Variants in ACSM4 observed in about 807,000 individuals in gnomAD.
ACSM4 encodes acyl-coenzyme A synthetase ACSM4, mitochondrial.
ACSM4 carries 66 observed loss-of-function variants against 73.0 expected under a neutral mutation model. The ratio of observed to expected loss-of-function variants is 0.90; its 90% CI spans 0.74 to 1.11. ACSM4 has a LOEUF of 1.11. Ranked by LOEUF, ACSM4 falls within the 50% of genes least tolerant of loss-of-function variation. The probability of loss-of-function intolerance (pLI) is 0.00; values close to 1 mark genes in which losing one functional copy is unlikely to be tolerated. For synonymous variants in ACSM4, 222 were observed against 254.0 expected (o/e 0.87, Z 1.20); for missense variants, 645 against 714.4 (o/e 0.90, Z 1.11).
intron 9 of ACSM4, 27 bp downstream of exon 9, chr12:7,323,587 G>A (rs1253322042): frequency 1.9e-6 from 3 of 1,582,054 alleles, no homozygotes; most frequent in Non-Finnish European, 2.6e-6. Flanking sequence ...TGCTGGTCAT[G>A]CTTAATACAG....
In ACSM4 at chr12:7,327,082, A is replaced by G; in HGVS notation, c.1643A>G (p.Lys548Arg). 2 of 1,605,476 alleles carry G rather than the reference A, an allele frequency of 1.2e-6. No homozygotes were observed. Among genetic ancestry groups the G allele is most frequent in the Non-Finnish European group, 1.7e-6 (2 of 1,176,108 alleles). The part of the protein sequence containing the change: ...DHVKKSTAPY[K>R]YPRKVEFVQE... The stretch of plus-strand genomic sequence containing the variant: ...GTGAAAAAATCAACTGCACCTTACA[A>G]ATATCCAAGAAAGGCAAGTGCTTTG... Residue 548 changes from lysine to arginine, a missense_variant, in exon 12 of 13, where the codon AAA becomes AGA. By Grantham distance (26) the Lys-to-Arg change is conservative. Coordinates refer to ENST00000399422, the MANE Select transcript of ACSM4 (RefSeq NM_001080454.2).
chr12:7,328,136 C>T (rs756710906), intron 12 of ACSM4, 151 bp from the exon 13 acceptor site: 5 of 530,058 alleles, frequency 9.4e-6, no homozygotes, highest in South Asian at 4.3e-5. Context: ...CATAAACAGA[C>T]GTTTCTGGTG....
At chr12:7,324,155 CAAA>C in intron 9 of ACSM4, 115 bp from the exon 10 acceptor site, 3 of 1,002,098 alleles carry the variant, frequency 3.0e-6, no homozygotes, top group East Asian at 3.3e-5. Context: ...GACTCTGTCT[CAAA>C]AAAAAAAAAA....
intron 4 of ACSM4, among the ~76,000 whole-genome samples, chr12:7,317,817 A>G (rs1414166753): frequency 1.3e-5 from 2 of 152,098 alleles, no homozygotes; most frequent in South Asian, 2.1e-4. Context: ...TGCCACACCC[A>G]GCCTCCCACT....
intron 12 of ACSM4, among the ~76,000 whole-genome samples, chr12:7,327,582 C>T (rs11051200): frequency 0.061 from 9,304 of 152,242 alleles, 384 homozygotes; most frequent in East Asian, 0.16. Context: ...AACAATACTA[C>T]GTAAATACAT....
At chr12:7,311,098 A>C (rs936492763) in intron 3 of ACSM4, among the ~76,000 whole-genome samples, 2 of 152,060 alleles carry the variant, frequency 1.3e-5, no homozygotes, top group African/African-American at 2.4e-5. Context: ...CTTGGGAGGC[A>C]GAAGTTGCAG....
At chr12:7,323,413 T>A in intron 8 of ACSM4, 46 bp from the exon 9 acceptor site, 1 of 1,605,666 alleles carries the variant, frequency 6.2e-7, no homozygotes, top group Non-Finnish European at 8.5e-7. Context: ...CTTTCATTTT[T>A]GTGAAAAGAA....
At chr12:7,318,932 G>A (rs984364491) in intron 5 of ACSM4, among the ~76,000 whole-genome samples, 2 of 152,308 alleles carry the variant, frequency 1.3e-5, no homozygotes, top group Admixed American at 6.5e-5. Flanking sequence ...CCAGGGACTG[G>A]ATTCGTGGAA....
chr12:7,317,879 T>C (rs1946433061), intron 4 of ACSM4, 147 bp from the exon 5 acceptor site: 1 of 849,436 alleles, frequency 1.2e-6, no homozygotes, highest in Admixed American at 3.0e-5. Flanking sequence ...AGAGTAGAAG[T>C]TGAATCTATC....
chr12:7,304,980 G>T (rs937821765), intron 1 of ACSM4, among the ~76,000 whole-genome samples: 1 of 152,154 alleles, frequency 6.6e-6, no homozygotes, highest in South Asian at 2.1e-4. Context: ...TCAGGATGAG[G>T]TCTCTGTGTA....
intron 12 of ACSM4, among the ~76,000 whole-genome samples, chr12:7,327,690 T>C (rs1385163713): frequency 1.3e-5 from 2 of 152,184 alleles, no homozygotes; most frequent in Admixed American, 1.3e-4. Flanking sequence ...AGTCAAAAAG[T>C]AGTTAAACCT....
intron 3 of ACSM4, among the ~76,000 whole-genome samples, chr12:7,312,157 C>T (rs1366649870): frequency 6.6e-6 from 1 of 152,206 alleles, no homozygotes; most frequent in Non-Finnish European, 1.5e-5. Flanking sequence ...CAACCCCTGC[C>T]CTAAACCATA....
At chr12:7,306,471 C>T (rs937475146) in intron 1 of ACSM4, 62 bp from the exon 2 acceptor site, 2 of 1,464,804 alleles carry the variant, frequency 1.4e-6, no homozygotes, top group African/African-American at 1.4e-5. Flanking sequence ...CAGCAGATGC[C>T]GCATGTAAGA....
intron 2 of ACSM4, 61 bp downstream of exon 2, chr12:7,306,804 T>C: frequency 6.7e-7 from 1 of 1,493,400 alleles, no homozygotes; most frequent in Admixed American, 2.0e-5. Flanking sequence ...ACTCAATGGT[T>C]TTCTGAATTG....
intron 12 of ACSM4, 103 bp from the exon 13 acceptor site, chr12:7,328,184 G>A (rs1253070465): frequency 8.5e-6 from 7 of 825,678 alleles, no homozygotes; most frequent in Admixed American, 5.3e-5. Flanking sequence ...AGATAATCTC[G>A]ACTTTAAAAT....
intron 3 of ACSM4, among the ~76,000 whole-genome samples, chr12:7,316,113 G>A (rs1946419117): frequency 6.6e-6 from 1 of 152,134 alleles, no homozygotes; most frequent in South Asian, 2.1e-4. Flanking sequence ...TGGCATACAA[G>A]GATGATTTGT....
rs1334824679 is a variant in ACSM4, at chr12:7,306,708, A to C, written c.377A>C (p.Glu126Ala). ...RLAVILPRIPEWWLVNVACIR... is the reference protein window; with the variant it reads ...RLAVILPRIPAWWLVNVACIR... ...GCCGTGATTCTGCCCAGAATCCCTGAGTGGTGGCTGGTCAATGTAGCTTGC... is the reference window on the plus strand; with the variant it reads ...GCCGTGATTCTGCCCAGAATCCCTGCGTGGTGGCTGGTCAATGTAGCTTGC... The change falls in exon 2 of 13, where the codon GAG becomes GCG. Residue 126 changes from glutamate (E) to alanine (A), a missense_variant. Physicochemically the swap from Glu to Ala is moderately radical, Grantham distance 107 (BLOSUM62 -1). Coordinates refer to ENST00000399422, the MANE Select transcript of ACSM4 (RefSeq NM_001080454.2). The C allele has an allele frequency of 6.2e-7, 1 of 1,611,670 alleles. No individual in the cohort carries two copies. Among genetic ancestry groups the C allele is most frequent in the Admixed American group, 1.7e-5 (1 of 59,768 alleles).
In ACSM4 at chr12:7,304,173, G is replaced by C; in HGVS notation, c.-159G>C. 1 of 721,822 alleles carries C rather than the reference G, an allele frequency of 1.4e-6. No individual in the cohort carries two copies. The highest frequency in any genetic ancestry group is 2.3e-6 in the Non-Finnish European group (1 of 432,544). The allele number at this position is 721,822 out of a possible 1,614,324, so 44.7% of individuals were successfully genotyped here. On this transcript the variant is annotated 5_prime_UTR_variant, in exon 1 of 13. Transcript: ENST00000399422. ...CAGCAGCTCTGAGGAAGGATGAGGT[G>C]TTTTTCAGGTGTTCCCCAACTTGCC... is the stretch of plus-strand genomic sequence containing the variant.
chr12:7,318,605 TA>T (rs1373675578), intron 5 of ACSM4: 1 of 155,854 alleles, frequency 6.4e-6, no homozygotes, highest in Non-Finnish European at 1.4e-5. Flanking sequence ...CAGCTCCTCT[TA>T]TTCTCCCCCA....
Sources: gnomAD v4.1 joint callset for allele counts (sites outside exome capture counted in the v4.1 genomes callset) on GRCh38, gnomAD v4.1.1 for gene constraint, MANE v1.5 for transcripts, NCBI Gene and HGNC (gene_info 2026-07-23, HGNC 2026-07-21) for gene names.